The following VPS13B variants were observed in gnomAD, a reference collection of about 807,000 sequenced individuals.
The protein encoded by VPS13B is vacuolar protein sorting 13 homolog B.
A neutral mutation model predicts 426.4 loss-of-function variants in VPS13B; 285 were observed. The ratio of observed to expected loss-of-function variants is 0.67; its 90% CI spans 0.61 to 0.74. The LOEUF (loss-of-function observed/expected upper bound fraction) is 0.74, where lower values mean the gene tolerates loss of function less well. Ranked by LOEUF, VPS13B falls within the 30% of genes least tolerant of loss-of-function variation. VPS13B has a pLI of 0.00. For missense variants in VPS13B, 4,537 were observed against 4,782.6 expected, an observed-to-expected ratio of 0.95 and a Z score of 1.51; for synonymous variants, 1,676 against 1,676.4, an observed-to-expected ratio of 1.00 and a Z score of 0.01.
intron 13 of VPS13B, among the ~76,000 whole-genome samples, chr8:99,146,698 G>A (rs1225819345): frequency 6.6e-6 from 1 of 152,036 alleles, no homozygotes; most frequent in Non-Finnish European, 1.5e-5. Context: ...TGAGCCTCCT[G>A]AGTTGCCAGG....
Position 99,776,853 on chromosome 8 carries a change from T to G in VPS13B, c.7326T>G (p.Val2442=). Residue 2442 remains valine, a synonymous_variant, in exon 41 of 62, where the codon GTT becomes GTG. Coordinates refer to ENST00000357162, the MANE Select transcript of VPS13B (RefSeq NM_152564.5). ...TPTALAACTR[V]DSCFTPWFVP... Reference sequence around the variant, plus strand: ...CAGCCCTGGCTGCCTGTACCAGAGTTGACTCCTGCTTTACCCCATGGTTTG... The same window carrying G: ...CAGCCCTGGCTGCCTGTACCAGAGTGGACTCCTGCTTTACCCCATGGTTTG... The G allele has an allele frequency of 6.2e-7, 1 of 1,614,144 alleles. No homozygotes were observed. Among genetic ancestry groups the G allele is most frequent in the Non-Finnish European group, 8.5e-7 (1 of 1,179,992 alleles).
intron 33 of VPS13B, among the ~76,000 whole-genome samples, chr8:99,631,831 T>G (rs1363290629): frequency 6.6e-6 from 1 of 151,858 alleles, no homozygotes; most frequent in African/African-American, 2.4e-5. Context: ...GCCTAGAACA[T>G]AGTAGATGCT....
Position 99,155,085 on chromosome 8 carries a change from C to T in VPS13B, c.2014-1464C>T, listed in dbSNP as rs773168618. Among the ~76,000 whole-genome samples the T allele has an allele frequency of 4.2e-4, 63 of 151,166 alleles. 1 individual carries two copies. Among genetic ancestry groups the T allele is most frequent in the South Asian group, 8.4e-4 (4 of 4,772 alleles). Reference sequence around the variant, plus strand: ...GACCTCAATCCATTAAAAAAAAGCACCAAATTAAATTGTGAAACTGGAAAA... The same window carrying T: ...GACCTCAATCCATTAAAAAAAAGCATCAAATTAAATTGTGAAACTGGAAAA... On this transcript the variant is annotated intron_variant, in intron 14 of 61. Coordinates refer to ENST00000357162, the MANE Select transcript of VPS13B (RefSeq NM_152564.5).
At chr8:99,813,877 T>C (rs2130799883) in intron 44 of VPS13B, among the ~76,000 whole-genome samples, 1 of 152,378 alleles carries the variant, frequency 6.6e-6, no homozygotes, top group South Asian at 2.1e-4. Flanking sequence ...CTTATGCCTA[T>C]GATCCCAGCA....
chr8:99,851,557 A>G (rs58616643), intron 55 of VPS13B, among the ~76,000 whole-genome samples: 2,301 of 152,258 alleles, frequency 0.015, 56 homozygotes, highest in African/African-American at 0.052. Flanking sequence ...TGAGAAGTTG[A>G]TGTTTGGGCG....
chr8:99,027,558 CA>C (rs1842204907), intron 2 of VPS13B, among the ~76,000 whole-genome samples: 2 of 151,656 alleles, frequency 1.3e-5, no homozygotes, highest in South Asian at 2.1e-4. Context: ...TAAATTACCT[CA>C]TTTTTTGCTT....
intron 27 of VPS13B, among the ~76,000 whole-genome samples, chr8:99,503,749 T>C (rs1056294965): frequency 1.3e-5 from 2 of 152,190 alleles, no homozygotes; most frequent in Non-Finnish European, 1.5e-5. Flanking sequence ...ATTCTTGGTC[T>C]CACATTGTTT....
At chr8:99,048,780 A>G (rs1351701651) in intron 3 of VPS13B, among the ~76,000 whole-genome samples, 2 of 149,842 alleles carry the variant, frequency 1.3e-5, no homozygotes, top group African/African-American at 4.9e-5. Flanking sequence ...AAGCCACTGC[A>G]CTCCAGGTTG....
intron 30 of VPS13B, among the ~76,000 whole-genome samples, chr8:99,529,702 C>T (rs1822829853): frequency 6.6e-6 from 1 of 152,126 alleles, no homozygotes; most frequent in Non-Finnish European, 1.5e-5. Flanking sequence ...ATTTGAATTA[C>T]AAGGGCAAAG....
At chr8:99,758,394 T>G (rs995653213) in intron 39 of VPS13B, among the ~76,000 whole-genome samples, 6 of 152,232 alleles carry the variant, frequency 3.9e-5, no homozygotes, top group African/African-American at 1.4e-4. Context: ...TGAGTGGAAG[T>G]ACCAGTATAT....
chr8:99,699,414 G>A (rs1832178281), intron 35 of VPS13B, 111 bp from the exon 36 acceptor site: 1 of 1,171,288 alleles, frequency 8.5e-7, no homozygotes, highest in African/African-American at 1.5e-5. Flanking sequence ...ATCCTAATGA[G>A]TCCATAATAT....
rs1482320140 is a variant in VPS13B at position 99,051,792 on chromosome 8, A to G, written c.291+13226A>G. On this transcript the variant is annotated intron_variant, in intron 3 of 61. Coordinates refer to ENST00000357162, the MANE Select transcript of VPS13B (RefSeq NM_152564.5). ...TAGGTATTTCATTCTCTTTGAAGCAATTGTGAATGGGAGTTCACTCATTAT... is the reference window on the plus strand; with the variant it reads ...TAGGTATTTCATTCTCTTTGAAGCAGTTGTGAATGGGAGTTCACTCATTAT... Among the ~76,000 whole-genome samples the G allele has an allele frequency of 6.6e-5, 10 of 152,286 alleles. No homozygotes were observed. In the East Asian group the frequency reaches 1.7e-3, roughly 26 times the overall value.
chr8:99,368,352 C>G (rs1288726943), intron 19 of VPS13B, among the ~76,000 whole-genome samples: 2 of 152,150 alleles, frequency 1.3e-5, no homozygotes, highest in Non-Finnish European at 2.9e-5. Context: ...ACAATGTTAG[C>G]TTATGTATTT....
At chr8:99,349,126 G>T (rs1488666732) in intron 19 of VPS13B, among the ~76,000 whole-genome samples, 1 of 150,946 alleles carries the variant, frequency 6.6e-6, no homozygotes, top group Non-Finnish European at 1.5e-5. Context: ...GAGGTCAGGA[G>T]ATCGAGACCA....
Position 99,013,850 on chromosome 8 carries a change from T to TA in VPS13B, c.65dup (p.Pro23AlafsTer42). ...TATGTGAATCGCTACATCAAGAACT[T>TA]AAAGCCGTCGGATCTACAGCTTTCA... On this transcript the variant is annotated frameshift_variant, in exon 2 of 62. Transcript: ENST00000357162. LOFTEE classifies it high-confidence loss of function. 6.2e-7 allele frequency: 1 copy of TA among 1,614,188 alleles called. No individual in the cohort carries two copies. The highest frequency in any genetic ancestry group is 8.5e-7 in the Non-Finnish European group (1 of 1,180,046).
chr8:99,713,582 TAGAG>T (rs536904814), intron 36 of VPS13B, among the ~76,000 whole-genome samples: 1 of 152,098 alleles, frequency 6.6e-6, no homozygotes, highest in Non-Finnish European at 1.5e-5. Flanking sequence ...TACCAGTGGA[TAGAG>T]AGAGAGACAA....
At chr8:99,076,824 A>G (rs1244249475) in intron 3 of VPS13B, among the ~76,000 whole-genome samples, 1 of 152,068 alleles carries the variant, frequency 6.6e-6, no homozygotes, top group Non-Finnish European at 1.5e-5. Context: ...GCCAGTCTAT[A>G]TCTTTTATCA....
chr8:99,717,382 G>A lies in VPS13B; in HGVS notation c.6657+9G>A. 2 of 1,611,610 alleles carry A rather than the reference G, an allele frequency of 1.2e-6. No individual in the cohort carries two copies. Among genetic ancestry groups the A allele is most frequent in the Non-Finnish European group, 1.7e-6 (2 of 1,178,020 alleles). ...GAGGAGGTCTACTACAGGTCTGTGG[G>A]TATTGGCCATATTTTTTTCATAGGT... On this transcript the variant is annotated intron_variant, in intron 37 of 61. Coordinates refer to ENST00000357162, the MANE Select transcript of VPS13B (RefSeq NM_152564.5).
intron 17 of VPS13B, chr8:99,234,366 G>T: frequency 2.7e-6 from 2 of 732,722 alleles, no homozygotes; most frequent in African/African-American, 1.7e-5. Context: ...TGCAGGTGAG[G>T]AGGTATGTTT....
Sources: gnomAD v4.1 joint callset for allele counts (sites outside exome capture counted in the v4.1 genomes callset) on GRCh38, gnomAD v4.1.1 for gene constraint, MANE v1.5 for transcripts, NCBI Gene and HGNC (gene_info 2026-07-23, HGNC 2026-07-21) for gene names.